The following HMG20A variants were observed in gnomAD, a reference collection of about 807,000 sequenced individuals.
HMG20A encodes high mobility group protein 20A.
In HMG20A, 17 loss-of-function variants were observed where a neutral mutation model predicts 43.9. The ratio of observed to expected loss-of-function variants is 0.39; its 90% CI spans 0.27 to 0.58. HMG20A has a LOEUF of 0.58. Ranked by LOEUF, HMG20A falls within the 20% of genes least tolerant of loss-of-function variation. The pLI is 0.59. For missense variants in HMG20A, 341 were observed against 438.2 expected (o/e 0.78, Z 1.98); for synonymous variants, 132 against 147.5 (o/e 0.89, Z 0.76).
At chr15:77,496,311 A>G in the HMG20A span, among the ~76,000 whole-genome samples, 1 of 152,214 alleles carries the variant, frequency 6.6e-6, no homozygotes, top group Non-Finnish European at 1.5e-5. Flanking sequence ...TGTTTGGCCA[A>G]GGGAAGTACC....
At chr15:77,473,026 AAG>A (rs1403264714) in intron 6 of HMG20A, among the ~76,000 whole-genome samples, 1 of 152,244 alleles carries the variant, frequency 6.6e-6, no homozygotes, top group Admixed American at 6.5e-5. Flanking sequence ...TTTGAACAAA[AAG>A]AATTTTCTGA....
intron 1 of HMG20A, among the ~76,000 whole-genome samples, chr15:77,449,453 T>C (rs952463761): frequency 5.9e-5 from 9 of 152,316 alleles, no homozygotes; most frequent in Admixed American, 2.0e-4. Flanking sequence ...AGCCCACTGA[T>C]TGCTTTTAGC....
At chr15:77,506,738 A>G in the HMG20A span, among the ~76,000 whole-genome samples, 1 of 152,224 alleles carries the variant, frequency 6.6e-6, no homozygotes, top group East Asian at 1.9e-4. Flanking sequence ...TGTTCCAGCC[A>G]AAGGCAGAGG....
chr15:77,421,130 C>T (rs1319980178), intron 1 of HMG20A, 126 bp downstream of exon 1: 1 of 391,382 alleles, frequency 2.6e-6, no homozygotes, highest in African/African-American at 2.1e-5. Context: ...AATGGGGGCG[C>T]CTCAACTTCC....
At position 77,451,663 on chromosome 15, in the gene HMG20A, C is replaced by T. The variant is rs746211276; in HGVS notation, c.-4-6741C>T. Among the ~76,000 whole-genome samples the T allele has an allele frequency of 2.6e-5, 4 of 151,740 alleles. No homozygotes were observed. In the East Asian group the frequency reaches 5.8e-4, roughly 22 times the overall value. On this transcript the variant is annotated intron_variant, in intron 1 of 9. Coordinates refer to ENST00000336216, the MANE Select transcript of HMG20A (RefSeq NM_001304504.2). Reference sequence around the variant, plus strand: ...TGTGGGCATCTACAAATTTTGAGCTCGCAGTGTACTGGAACAGACAAAAAA... The same window carrying T: ...TGTGGGCATCTACAAATTTTGAGCTTGCAGTGTACTGGAACAGACAAAAAA...
Position 77,467,123 on chromosome 15 carries a change from AAGGAAGAAAG to A in HMG20A, c.276_285del (p.Lys92AsnfsTer20). 1 of 1,613,988 alleles carries A rather than the reference AAGGAAGAAAG, an allele frequency of 6.2e-7. No homozygotes were observed. Among genetic ancestry groups the A allele is most frequent in the Non-Finnish European group, 8.5e-7 (1 of 1,179,924 alleles). ...CGAAGTAAACGAGGAGGTTGGTCCA[AAGGAAGAAAG>A]AGGAAGAAACCTCTTCGAGACAGCA... is the stretch of plus-strand genomic sequence containing the variant. On this transcript the variant is annotated frameshift_variant, in exon 4 of 10. Coordinates refer to ENST00000336216, the MANE Select transcript of HMG20A (RefSeq NM_001304504.2). LOFTEE classifies it high-confidence loss of function.
chr15:77,517,058 C>G, the HMG20A span, among the ~76,000 whole-genome samples: 43 of 152,218 alleles, frequency 2.8e-4, no homozygotes, highest in African/African-American at 9.9e-4. Flanking sequence ...TTCCCTTCCC[C>G]TCCACCAATG....
chr15:77,467,745 C>T (rs2072769713), intron 4 of HMG20A, among the ~76,000 whole-genome samples: 1 of 152,142 alleles, frequency 6.6e-6, no homozygotes, highest in African/African-American at 2.4e-5. Context: ...AGAGTTCTGG[C>T]AAATTAACCT....
chr15:77,467,348 A>G (rs1330537009), intron 4 of HMG20A, 41 bp downstream of exon 4: 10 of 1,499,062 alleles, frequency 6.7e-6, no homozygotes, highest in African/African-American at 2.8e-5. Context: ...GGTTTTGATT[A>G]TATCTCAGAA....
At chr15:77,495,026 G>A in the HMG20A span, among the ~76,000 whole-genome samples, 3,493 of 152,262 alleles carry the variant, frequency 0.023, 115 homozygotes, top group African/African-American at 0.073. Flanking sequence ...CTTCAGCATC[G>A]AATCTGAAAA....
In HMG20A at chr15:77,464,122, A is replaced by T. The variant is rs1395822354; in HGVS notation, c.90-118A>T. 7.9e-6 allele frequency: 9 copies of T among 1,134,786 alleles called. No individual in the cohort carries two copies. In the Admixed American group the frequency reaches 1.8e-4, roughly 23 times the overall value. The allele number at this position is 1,134,786 out of a possible 1,614,324, so 70.3% of individuals were successfully genotyped here. The stretch of plus-strand genomic sequence containing the variant: ...GAATACGTTGTTTACATTTATACAG[A>T]TTATTGGGGGAATTAATTCAAGGAC... On this transcript the variant is annotated intron_variant, in intron 2 of 9. Coordinates refer to ENST00000336216, the MANE Select transcript of HMG20A (RefSeq NM_001304504.2).
At chr15:77,476,199 A>C (rs550918619) in intron 6 of HMG20A, among the ~76,000 whole-genome samples, 16 of 152,144 alleles carry the variant, frequency 1.1e-4, no homozygotes, top group African/African-American at 3.9e-4. Flanking sequence ...AAACTAGTGG[A>C]GGCTGGGCAC....
At chr15:77,431,566 A>C (rs1330753031) in intron 1 of HMG20A, among the ~76,000 whole-genome samples, 1 of 152,116 alleles carries the variant, frequency 6.6e-6, no homozygotes, top group African/African-American at 2.4e-5. Context: ...CATGTACAGC[A>C]TGATGTTTTG....
chr15:77,514,620 G>T, the HMG20A span, among the ~76,000 whole-genome samples: 1 of 152,220 alleles, frequency 6.6e-6, no homozygotes, highest in African/African-American at 2.4e-5. Flanking sequence ...GGAGAAGGAT[G>T]AGGTGTGGGA....
the HMG20A span, among the ~76,000 whole-genome samples, chr15:77,499,199 C>G: frequency 6.6e-6 from 1 of 152,176 alleles, no homozygotes. Context: ...TTAGGATGCT[C>G]AAACATCATC....
chr15:77,428,108 A>T (rs893716708), intron 1 of HMG20A, among the ~76,000 whole-genome samples: 1 of 152,242 alleles, frequency 6.6e-6, no homozygotes, highest in African/African-American at 2.4e-5. Flanking sequence ...TGAAGCATTT[A>T]GCAGAGATGT....
intron 1 of HMG20A, among the ~76,000 whole-genome samples, chr15:77,448,762 T>C (rs2073703040): frequency 6.6e-6 from 1 of 152,112 alleles, no homozygotes; most frequent in Non-Finnish European, 1.5e-5. Flanking sequence ...ATAGTTTGGT[T>C]CCTAGGGTAG....
intron 1 of HMG20A, among the ~76,000 whole-genome samples, chr15:77,454,697 G>A (rs1474287447): frequency 6.6e-6 from 1 of 152,150 alleles, no homozygotes; most frequent in Non-Finnish European, 1.5e-5. Context: ...TAGTGCAAGG[G>A]AATTGAGTAT....
chr15:77,514,785 C>T, the HMG20A span, among the ~76,000 whole-genome samples: 38,227 of 152,010 alleles, frequency 0.25, 5,378 homozygotes, highest in Non-Finnish European at 0.32. Flanking sequence ...CTACAGAGGG[C>T]GCAGCAGCTT....
Sources: gnomAD v4.1 joint callset for allele counts (sites outside exome capture counted in the v4.1 genomes callset) on GRCh38, gnomAD v4.1.1 for gene constraint, MANE v1.5 for transcripts, NCBI Gene and HGNC (gene_info 2026-07-23, HGNC 2026-07-21) for gene names.